RAB5A: variants seen among roughly 807,000 people sequenced by gnomAD.
RAB5A encodes the protein RAB5A, member RAS oncogene family.
In RAB5A, 8 loss-of-function variants were observed where a neutral mutation model predicts 25.7. The observed-to-expected ratio is 0.31, with a 90% CI of 0.18 to 0.56. The LOEUF is 0.56. Among genes scored for constraint, RAB5A ranks in the 20% least tolerant of loss-of-function variants. The pLI is 0.91. For synonymous variants in RAB5A, 98 were observed against 89.8 expected, an observed-to-expected ratio of 1.09 and a Z score of -0.52; for missense variants, 192 against 259.7, an observed-to-expected ratio of 0.74 and a Z score of 1.79.
intron 1 of RAB5A, among the ~76,000 whole-genome samples, chr3:19,949,670 A>T (rs995934731): frequency 6.6e-6 from 1 of 152,184 alleles, no homozygotes; most frequent in Non-Finnish European, 1.5e-5. Flanking sequence ...TCAAATATTC[A>T]CTAATTCCTT....
chr3:19,970,452 G>A, intron 2 of RAB5A: 1 of 417,084 alleles, frequency 2.4e-6, no homozygotes. Context: ...TTGCAAATAG[G>A]AGCTGATCAC....
At chr3:19,949,076 G>A (rs2125176675) in intron 1 of RAB5A, among the ~76,000 whole-genome samples, 1 of 152,258 alleles carries the variant, frequency 6.6e-6, no homozygotes, top group Admixed American at 6.5e-5. Context: ...TAGAAACTTG[G>A]AAATTAAAGA....
chr3:19,980,200 T>A (rs1244129132), intron 5 of RAB5A: 1 of 152,140 alleles, frequency 6.6e-6, no homozygotes, highest in Non-Finnish European at 1.5e-5. Flanking sequence ...AAACAATGAG[T>A]TAATAGGCCT....
chr3:19,978,494 T>TG (rs1046687228), intron 5 of RAB5A, 91 bp downstream of exon 5: 148 of 883,884 alleles, frequency 1.7e-4, no homozygotes, highest in Non-Finnish European at 2.5e-4. Flanking sequence ...AAAAAATTTT[T>TG]GGGGGTGGGT....
At chr3:19,951,707 T>TTCTTTTC (rs1364868018) in intron 2 of RAB5A, among the ~76,000 whole-genome samples, 1 of 145,422 alleles carries the variant, frequency 6.9e-6, no homozygotes, top group Admixed American at 6.8e-5. Flanking sequence ...GCAAGTTTTT[T>TTCTTTTC]TTTTTTTTTT....
chr3:19,960,587 C>G (rs866437027), intron 2 of RAB5A, among the ~76,000 whole-genome samples: 2 of 152,326 alleles, frequency 1.3e-5, no homozygotes, highest in African/African-American at 4.8e-5. Flanking sequence ...AGGCGTAAGC[C>G]ACTTTTTCAG....
intron 2 of RAB5A, among the ~76,000 whole-genome samples, chr3:19,972,921 A>AT (rs1192751284): frequency 6.6e-6 from 1 of 152,194 alleles, no homozygotes; most frequent in East Asian, 1.9e-4. Context: ...TGAGTTCCAC[A>AT]TTTATAAATG....
chr3:19,969,635 C>T (rs1479560521), intron 2 of RAB5A, among the ~76,000 whole-genome samples: 1 of 152,158 alleles, frequency 6.6e-6, no homozygotes, highest in East Asian at 1.9e-4. Flanking sequence ...GTAATCAAAT[C>T]TGTAGTCTTA....
chr3:19,977,646 C>G (rs774553912), intron 4 of RAB5A, among the ~76,000 whole-genome samples: 2 of 152,164 alleles, frequency 1.3e-5, no homozygotes, highest in African/African-American at 4.8e-5. Flanking sequence ...AGAGAAAACA[C>G]TTAAATTACA....
Position 19,978,379 on chromosome 3 carries a change from G to C in RAB5A, c.508G>C (p.Val170Leu). 6 of 1,597,662 alleles carry C rather than the reference G, an allele frequency of 3.8e-6. No individual in the cohort carries two copies. The highest frequency in any genetic ancestry group is 5.1e-6 in the Non-Finnish European group (6 of 1,165,412). Residue 170 changes from valine (V) to leucine (L), a missense_variant, in exon 5 of 6, where the codon GTA becomes CTA. By Grantham distance (32) the Val-to-Leu change is conservative. This residue lies in a region of RAB5A where 121 missense variants were observed against 135.7 expected (regional missense o/e 0.89). Transcript: ENST00000273047. ...METSAKTSMN[V>L]NEIFMAIAKK... Reference sequence around the variant, plus strand: ...GACATCCGCTAAAACATCAATGAATGTAAATGAAATATTCATGGCAATAGG... The same window carrying C: ...GACATCCGCTAAAACATCAATGAATCTAAATGAAATATTCATGGCAATAGG...
rs1696881814 is a variant in RAB5A at position 19,979,488 on chromosome 3, T to C, written c.532+1085T>C. Among the ~76,000 whole-genome samples the C allele has an allele frequency of 2.0e-5, 3 of 151,346 alleles. No individual in the cohort carries two copies. In the South Asian group the frequency reaches 6.3e-4, roughly 32 times the overall value. The stretch of plus-strand genomic sequence containing the variant: ...TTTTAGTAGAGACGGGGTTTCACCA[T>C]GTTAGCCAGGATGGTCTCAATCTCC... On this transcript the variant is annotated intron_variant, in intron 5 of 5. Coordinates refer to ENST00000273047, the MANE Select transcript of RAB5A (RefSeq NM_004162.5).
intron 2 of RAB5A, among the ~76,000 whole-genome samples, chr3:19,971,286 CAA>C (rs1696748009): frequency 1.3e-5 from 2 of 150,892 alleles, no homozygotes; most frequent in Admixed American, 1.3e-4. Context: ...TTATGTATAT[CAA>C]GAGTTTATTA....
At chr3:19,961,189 G>C (rs1163431090) in intron 2 of RAB5A, among the ~76,000 whole-genome samples, 1 of 152,260 alleles carries the variant, frequency 6.6e-6, no homozygotes, top group Non-Finnish European at 1.5e-5. Flanking sequence ...ACTTAAACAG[G>C]ATTTTCAGAA....
intron 2 of RAB5A, among the ~76,000 whole-genome samples, chr3:19,951,800 T>G (rs186683112): frequency 1.4e-4 from 20 of 148,024 alleles, no homozygotes; most frequent in Admixed American, 6.9e-4. Flanking sequence ...ACCTCCCAGG[T>G]AGCTGTGATT....
In RAB5A at chr3:19,947,279, C is replaced by CGGCGGCGGT; in HGVS notation, c.-328_-327insTGGCGGCGG. The stretch of plus-strand genomic sequence containing the variant: ...GGAACTCCAGCGCCGGCGGCGGCGG[C>CGGCGGCGGT]GGCGGCGGAGGAGGAGAAAGGAAAG... On this transcript the variant is annotated 5_prime_UTR_variant, in exon 1 of 6. Coordinates refer to ENST00000273047, the MANE Select transcript of RAB5A (RefSeq NM_004162.5). The CGGCGGCGGT allele has an allele frequency of 1.0e-5, 2 of 200,960 alleles. No homozygotes were observed. The highest frequency in any genetic ancestry group is 9.7e-6 in the Non-Finnish European group (1 of 103,326). 12.4% of individuals were successfully genotyped at this position (200,960 alleles called of 1,614,324 possible).
chr3:19,969,959 A>G (rs562095890), intron 2 of RAB5A, among the ~76,000 whole-genome samples: 48 of 151,866 alleles, frequency 3.2e-4, no homozygotes, highest in Admixed American at 6.6e-4. Flanking sequence ...TCATGCCACC[A>G]TGCCCGGCTA....
chr3:19,962,873 C>T (rs773446676), intron 2 of RAB5A, among the ~76,000 whole-genome samples: 3 of 151,888 alleles, frequency 2.0e-5, no homozygotes, highest in East Asian at 1.9e-4. Flanking sequence ...TGTGCAGTGA[C>T]GCTGTCATAG....
At chr3:19,958,938 C>T (rs981217111) in intron 2 of RAB5A, among the ~76,000 whole-genome samples, 4 of 151,480 alleles carry the variant, frequency 2.6e-5, no homozygotes, top group Non-Finnish European at 5.9e-5. Flanking sequence ...GACTCTGTCT[C>T]AAAAAAAGAA....
intron 2 of RAB5A, chr3:19,970,466 G>A (rs897855900): frequency 6.8e-6 from 3 of 441,412 alleles, no homozygotes; most frequent in Non-Finnish European, 1.4e-5. Flanking sequence ...TGATCACGTA[G>A]CTCAGAGGGA....
Sources: allele counts gnomAD v4.1 joint callset (sites outside exome capture counted in the v4.1 genomes callset), GRCh38; gene constraint gnomAD v4.1.1; regional missense constraint gnomAD v4.1.1; transcripts MANE v1.5; gene names NCBI Gene and HGNC (gene_info 2026-07-23, HGNC 2026-07-21).